Variants in PAN3 observed in about 807,000 individuals in gnomAD.
PAN3 encodes the protein poly(A) specific ribonuclease subunit PAN3.
PAN3 carries 19 observed loss-of-function variants against 96.2 expected under a neutral mutation model. That is an observed-to-expected ratio of 0.20 (90% CI 0.14 to 0.29). The LOEUF (loss-of-function observed/expected upper bound fraction) is 0.29. Among genes scored for constraint, PAN3 ranks in the 10% least tolerant of loss-of-function variants. The probability of loss-of-function intolerance (pLI) is 1.00; values close to 1 mark genes in which losing one functional copy is unlikely to be tolerated. For missense variants in PAN3, 882 were observed against 1,108.1 expected (o/e 0.80, Z 2.90); for synonymous variants, 433 against 406.6 (o/e 1.06, Z -0.78).
chr13:28,229,955 CT>C (rs1882371041), intron 6 of PAN3, among the ~76,000 whole-genome samples: 1 of 152,130 alleles, frequency 6.6e-6, no homozygotes, highest in African/African-American at 2.4e-5. Flanking sequence ...CGATTTAGAA[CT>C]TTTGTCATTC....
intron 6 of PAN3, among the ~76,000 whole-genome samples, chr13:28,236,151 T>A (rs1883086030): frequency 6.6e-6 from 1 of 152,210 alleles, no homozygotes; most frequent in African/African-American, 2.4e-5. Flanking sequence ...TGAACATTTT[T>A]AAGCATTTTA....
intron 16 of PAN3, 75 bp from the exon 17 acceptor site, chr13:28,281,240 G>A: frequency 1.7e-6 from 2 of 1,163,058 alleles, no homozygotes; most frequent in Non-Finnish European, 2.5e-6. Context: ...CAGGTTACCA[G>A]TTTTTGTAAA....
chr13:28,266,594 A>G (rs1416680129), intron 9 of PAN3, 121 bp from the exon 10 acceptor site: 22 of 735,004 alleles, frequency 3.0e-5, no homozygotes, highest in Non-Finnish European at 4.3e-5. Context: ...ACACTATTCT[A>G]AAATACAAGA....
chr13:28,141,462 CTTTTTTT>C (rs759736683), intron 1 of PAN3, among the ~76,000 whole-genome samples: 161 of 90,322 alleles, frequency 1.8e-3, no homozygotes, highest in African/African-American at 4.8e-3. Flanking sequence ...TTCTTTTTTT[CTTTTTTT>C]TTTTTTTTTT....
chr13:28,170,028 CA>C (rs966124024), intron 1 of PAN3, among the ~76,000 whole-genome samples: 6 of 151,984 alleles, frequency 3.9e-5, no homozygotes, highest in Non-Finnish European at 7.4e-5. Context: ...GCCTGGGCGA[CA>C]GAGCAAAACT....
At chr13:28,220,107 C>A in intron 5 of PAN3, 124 bp from the exon 6 acceptor site, 1 of 935,176 alleles carries the variant, frequency 1.1e-6, no homozygotes. Flanking sequence ...ACCGAAAACA[C>A]TTGTTAATCC....
chr13:28,182,962 TTATTTC>T (rs1276075810), intron 4 of PAN3, among the ~76,000 whole-genome samples: 2 of 152,180 alleles, frequency 1.3e-5, no homozygotes, highest in Non-Finnish European at 2.9e-5. Flanking sequence ...GATTTTTACA[TTATTTC>T]TATTCTAGGC....
chr13:28,274,508 AACTG>A (rs1161724448), intron 14 of PAN3, among the ~76,000 whole-genome samples: 2 of 151,980 alleles, frequency 1.3e-5, no homozygotes, highest in African/African-American at 4.8e-5. Context: ...AAAAAAAAAA[AACTG>A]CACACGCTCC....
In PAN3 at chr13:28,256,436, C is replaced by T; in HGVS notation, c.1145C>T (p.Pro382Leu). The part of the protein sequence containing the change: ...PSSASTSVNN[P>L]VSQTPSSGQV... ...AGTGCCTCTACATCTGTTAATAATCCTGTTTCTCAGACTCCGTCTTCTGGT... is the reference window on the plus strand; with the variant it reads ...AGTGCCTCTACATCTGTTAATAATCTTGTTTCTCAGACTCCGTCTTCTGGT... The change falls in exon 7 of 19, where the codon CCT becomes CTT. Residue 382 changes from proline to leucine, a missense_variant. By Grantham distance (98) the Pro-to-Leu change is moderately conservative (BLOSUM62 -3). Transcript: ENST00000380958. 3.1e-6 allele frequency: 5 copies of T among 1,614,076 alleles called. No individual in the cohort carries two copies. Among genetic ancestry groups the T allele is most frequent in the Non-Finnish European group, 3.4e-6 (4 of 1,179,960 alleles).
intron 15 of PAN3, 152 bp from the exon 16 acceptor site, chr13:28,280,260 A>G (rs1887359368): frequency 8.1e-6 from 7 of 864,300 alleles, no homozygotes; most frequent in Middle Eastern, 3.0e-4. Flanking sequence ...ATGAAATGTA[A>G]TATTTAAGAA....
At chr13:28,141,005 T>TTTTATTTTA (rs1334015794) in intron 1 of PAN3, among the ~76,000 whole-genome samples, 18 of 136,910 alleles carry the variant, frequency 1.3e-4, no homozygotes, top group South Asian at 1.2e-3. Context: ...AAGAGACACT[T>TTTTATTTTA]TTTTTTTTTT....
chr13:28,292,280 T>C, intron 18 of PAN3, 102 bp from the exon 19 acceptor site: 1 of 1,239,232 alleles, frequency 8.1e-7, no homozygotes, highest in Non-Finnish European at 1.1e-6. Flanking sequence ...AAAGGGAATG[T>C]GACAAAAAAA....
intron 4 of PAN3, among the ~76,000 whole-genome samples, chr13:28,192,106 C>T (rs1329050120): frequency 6.8e-6 from 1 of 146,386 alleles, no homozygotes; most frequent in Non-Finnish European, 1.5e-5. Flanking sequence ...AGTGCAGTGG[C>T]ACCATCTCAG....
At chr13:28,282,532 A>G (rs906895349) in intron 17 of PAN3, among the ~76,000 whole-genome samples, 1 of 152,150 alleles carries the variant, frequency 6.6e-6, no homozygotes, top group African/African-American at 2.4e-5. Context: ...TTATAGTTCT[A>G]TTCTTGATTC....
At chr13:28,223,861 A>G (rs1881680483) in intron 6 of PAN3, among the ~76,000 whole-genome samples, 1 of 145,168 alleles carries the variant, frequency 6.9e-6, no homozygotes, top group Non-Finnish European at 1.5e-5. Flanking sequence ...TTTTTGTGCC[A>G]TGAAAAGTGA....
At chr13:28,233,268 CT>C (rs773196328) in intron 6 of PAN3, among the ~76,000 whole-genome samples, 3,614 of 132,334 alleles carry the variant, frequency 0.027, 130 homozygotes, top group African/African-American at 0.084. Context: ...AATTATGACA[CT>C]TTTTTTTTTT....
chr13:28,259,327 A>G (rs1289703938), intron 7 of PAN3, among the ~76,000 whole-genome samples: 1 of 149,096 alleles, frequency 6.7e-6, no homozygotes, highest in East Asian at 2.0e-4. Flanking sequence ...TTTTTTTGAG[A>G]TGGAGTCTCG....
intron 6 of PAN3, among the ~76,000 whole-genome samples, chr13:28,231,086 G>T (rs377615183): frequency 2.0e-5 from 3 of 152,282 alleles, no homozygotes; most frequent in African/African-American, 7.2e-5. Flanking sequence ...CATAGAGACC[G>T]AAGTAAGTAA....
In PAN3 at chr13:28,266,808, A is replaced by G; in HGVS notation, c.1505A>G (p.Tyr502Cys). The change falls in exon 10 of 19, where the codon TAT (tyrosine) becomes TGT (cysteine). Residue 502 changes from tyrosine (Y) to cysteine (C), a missense_variant. Tyr to Cys is a radical substitution (Grantham distance 194). Around this residue, in one of 3 missense-constraint regions of PAN3, gnomAD observed 364 missense variants for 513.6 expected, o/e 0.71. Transcript: ENST00000380958. ...ATACAGAAATCAAGTAATTTTGGAT[A>G]TATTACATCTTGCTACAAAGCTGTA... The part of the protein sequence containing the change: ...NRIQKSSNFG[Y>C]ITSCYKAVNS... The G allele has an allele frequency of 1.2e-6, 2 of 1,611,600 alleles. No homozygotes were observed. The highest frequency in any genetic ancestry group is 1.7e-6 in the Non-Finnish European group (2 of 1,178,808).
Sources: gnomAD v4.1 joint callset for allele counts (sites outside exome capture counted in the v4.1 genomes callset) on GRCh38, gnomAD v4.1.1 for gene constraint, gnomAD v4.1.1 regional missense constraint, MANE v1.5 for transcripts, NCBI Gene and HGNC (gene_info 2026-07-23, HGNC 2026-07-21) for gene names.